Variants in NLGN1 observed in about 807,000 individuals in gnomAD.
NLGN1 encodes the protein neuroligin 1, also known as neuroligin-1.
NLGN1 carries 12 observed loss-of-function variants against 65.5 expected under a neutral mutation model. The ratio of observed to expected loss-of-function variants is 0.18; its 90% CI spans 0.12 to 0.30. NLGN1 has a LOEUF of 0.30. Among genes scored for constraint, NLGN1 ranks in the 10% least tolerant of loss-of-function variants. The pLI is 1.00. For missense variants in NLGN1, 750 were observed against 1,007.1 expected (o/e 0.74, Z 3.46); for synonymous variants, 350 against 359.5 (o/e 0.97, Z 0.30).
At chr3:173,604,924 A>T in exon 3 of NLGN1, 3 of 1,613,724 alleles carry the variant, frequency 1.9e-6, no homozygotes, top group Non-Finnish European at 2.5e-6. Flanking sequence ...GATATCAGAA[A>T]TGCCACTCAA....
intron 2 of NLGN1, among the ~76,000 whole-genome samples, chr3:173,520,755 C>T (rs1431210683): frequency 6.6e-6 from 1 of 152,030 alleles, no homozygotes; most frequent in Non-Finnish European, 1.5e-5. Flanking sequence ...AACAAACAAA[C>T]AGAAGAGATG....
chr3:173,606,095 T>A (rs1183324296), intron 3 of NLGN1, among the ~76,000 whole-genome samples: 1 of 152,106 alleles, frequency 6.6e-6, no homozygotes, highest in Non-Finnish European at 1.5e-5. Flanking sequence ...GAGCAATTAT[T>A]ATTATTAAGG....
chr3:173,558,516 C>G (rs149275553), intron 2 of NLGN1, among the ~76,000 whole-genome samples: 117 of 152,070 alleles, frequency 7.7e-4, no homozygotes, highest in African/African-American at 2.7e-3. Flanking sequence ...AATGTTTTTT[C>G]TTTGCTTCAG....
intron 4 of NLGN1, among the ~76,000 whole-genome samples, chr3:173,895,348 A>G (rs1736153883): frequency 6.6e-6 from 1 of 152,208 alleles, no homozygotes. Flanking sequence ...AGGCATCAAG[A>G]TGCTAGCAGG....
At chr3:174,154,008 A>G (rs1724879764) in intron 4 of NLGN1, among the ~76,000 whole-genome samples, 1 of 152,110 alleles carries the variant, frequency 6.6e-6, no homozygotes, top group South Asian at 2.1e-4. Context: ...GTGAACCACA[A>G]TGTAACCAAA....
At chr3:173,488,520 T>A (rs554907365) in intron 2 of NLGN1, among the ~76,000 whole-genome samples, 1 of 152,218 alleles carries the variant, frequency 6.6e-6, no homozygotes, top group East Asian at 1.9e-4. Context: ...TTTATTTCAG[T>A]CTTAGTTTTA....
Position 174,280,342 on chromosome 3 carries a change from TA to T in NLGN1, c.1650-136del. ...ATGCCTGCTAGGAGATTTATATTTC[TA>T]AATTGACCCAAATTAATGTTAAAAC... On this transcript the variant is annotated intron_variant, in intron 6 of 6. Transcript: ENST00000457714. The surrounding 1 kb of genome is among the most constrained non-coding windows in gnomAD (Gnocchi z 4.9). The T allele has an allele frequency of 1.5e-6, 1 of 649,166 alleles. No homozygotes were observed. Among genetic ancestry groups the T allele is most frequent in the Non-Finnish European group, 2.6e-6 (1 of 387,744 alleles). The allele number at this position is 649,166 out of a possible 1,614,324, so 40.2% of individuals were successfully genotyped here.
intron 4 of NLGN1, among the ~76,000 whole-genome samples, chr3:174,111,646 G>C (rs963538086): frequency 6.6e-6 from 1 of 151,776 alleles, no homozygotes; most frequent in African/African-American, 2.4e-5. Flanking sequence ...CTAAAAAAAG[G>C]AAAGCAAAGG....
chr3:173,923,504 C>T (rs1021430245), intron 4 of NLGN1, among the ~76,000 whole-genome samples: 1 of 152,094 alleles, frequency 6.6e-6, no homozygotes, highest in African/African-American at 2.4e-5. Context: ...GTACATCTCT[C>T]TCTTCCTATA....
At chr3:174,045,490 G>T (rs539917437) in intron 4 of NLGN1, among the ~76,000 whole-genome samples, 2 of 152,042 alleles carry the variant, frequency 1.3e-5, no homozygotes, top group Non-Finnish European at 2.9e-5. Context: ...TGCAATACAT[G>T]GGGAGTATAA....
At chr3:173,604,454 T>A in exon 3 of NLGN1, 2 of 791,356 alleles carry the variant, frequency 2.5e-6, no homozygotes, top group Middle Eastern at 2.5e-4. Context: ...AGATATCTGC[T>A]GTCTGAAGAT....
chr3:174,288,653 T>C (rs115347486), downstream of NLGN1, among the ~76,000 whole-genome samples: 1,430 of 151,590 alleles, frequency 9.4e-3, 14 homozygotes, highest in Non-Finnish European at 0.015. Context: ...TTCTAATCAC[T>C]GTTCTCCAAA....
intron 4 of NLGN1, among the ~76,000 whole-genome samples, chr3:174,071,610 G>T (rs1314134427): frequency 4.6e-5 from 7 of 151,904 alleles, no homozygotes; most frequent in Admixed American, 4.6e-4. Context: ...GGAGACTGAG[G>T]TGTGAGGATC....
chr3:174,086,232 C>CAT (rs368643483), intron 4 of NLGN1, among the ~76,000 whole-genome samples: 9 of 1,086 alleles, frequency 8.3e-3, no homozygotes, highest in African/African-American at 0.017. Context: ...TATGTATGTG[C>CAT]ACATATATAT....
chr3:173,602,070 A>G (rs1464475790), intron 2 of NLGN1, among the ~76,000 whole-genome samples: 1 of 152,010 alleles, frequency 6.6e-6, no homozygotes, highest in Non-Finnish European at 1.5e-5. Flanking sequence ...ATCTGCTACT[A>G]ATTAGCTAAG....
At chr3:173,730,252 A>G (rs761525878) in intron 3 of NLGN1, among the ~76,000 whole-genome samples, 1 of 151,042 alleles carries the variant, frequency 6.6e-6, no homozygotes, top group African/African-American at 2.4e-5. Context: ...CTTGTAGATA[A>G]TATCAGTGAT....
intron 3 of NLGN1, among the ~76,000 whole-genome samples, chr3:173,776,894 A>G (rs1481024952): frequency 6.6e-6 from 1 of 151,982 alleles, no homozygotes; most frequent in Non-Finnish European, 1.5e-5. Context: ...AACTGAACAC[A>G]CATATCAAAC....
chr3:174,107,794 G>C (rs1308812846), intron 4 of NLGN1, among the ~76,000 whole-genome samples: 2 of 152,102 alleles, frequency 1.3e-5, no homozygotes, highest in Non-Finnish European at 2.9e-5. Flanking sequence ...ATCTCCAGCA[G>C]CAATTGCTGT....
intron 3 of NLGN1, among the ~76,000 whole-genome samples, chr3:173,721,056 A>G (rs1770758319): frequency 6.6e-6 from 1 of 152,194 alleles, no homozygotes; most frequent in Non-Finnish European, 1.5e-5. Flanking sequence ...TTATTTAAAG[A>G]CTGCGTTTTG....
Sources: allele counts gnomAD v4.1 joint callset (sites outside exome capture counted in the v4.1 genomes callset), GRCh38; gene constraint gnomAD v4.1.1; non-coding constraint Gnocchi (gnomAD v3.1); transcripts MANE v1.5; gene names NCBI Gene and HGNC (gene_info 2026-07-23, HGNC 2026-07-21).